Variants in WNK1 observed in about 807,000 individuals in gnomAD.
WNK1 encodes WNK lysine deficient protein kinase 1.
In WNK1, 38 loss-of-function variants were observed where a neutral mutation model predicts 222.8. The ratio of observed to expected loss-of-function variants is 0.17; its 90% CI spans 0.13 to 0.22. The LOEUF is 0.22. Among genes scored for constraint, WNK1 ranks in the 10% least tolerant of loss-of-function variants. The pLI, the probability that WNK1 is intolerant of heterozygous loss-of-function variation, is 1.00. For synonymous variants in WNK1, 1,090 were observed against 1,092.9 expected, an observed-to-expected ratio of 1.00 and a Z score of 0.05; for missense variants, 2,348 against 2,918.4, an observed-to-expected ratio of 0.80 and a Z score of 4.50.
intron 1 of WNK1, among the ~76,000 whole-genome samples, chr12:811,727 GT>G (rs1946924283): frequency 6.6e-6 from 1 of 151,742 alleles, no homozygotes; most frequent in African/African-American, 2.4e-5. Context: ...ACAATATTCA[GT>G]TATAGATGGA....
intron 4 of WNK1, among the ~76,000 whole-genome samples, chr12:834,916 T>G (rs567139996): frequency 6.6e-6 from 1 of 152,312 alleles, no homozygotes; most frequent in African/African-American, 2.4e-5. Context: ...TTTTTAGTAT[T>G]GATAAACACT....
chr12:879,515 T>TTTTTTTTTTTTTTTTTTTTTTTTTTG, intron 10 of WNK1, 58 bp from the exon 11 acceptor site: 1 of 144,642 alleles, frequency 6.9e-6, no homozygotes, highest in Non-Finnish European at 1.1e-5. Context: ...CAGCCTTGCT[T>TTTTTTTTTTTTTTTTTTTTTTTTTTG]TTTTTTTTTT....
intron 4 of WNK1, among the ~76,000 whole-genome samples, chr12:845,376 C>G (rs917069867): frequency 6.6e-6 from 1 of 152,178 alleles, no homozygotes; most frequent in African/African-American, 2.4e-5. Flanking sequence ...CAGACCCCAG[C>G]CACTCTAGAT....
intron 1 of WNK1, among the ~76,000 whole-genome samples, chr12:758,469 G>T (rs1224115476): frequency 2.5e-5 from 3 of 120,112 alleles, no homozygotes; most frequent in African/African-American, 8.9e-5. Flanking sequence ...CTCACTGCAA[G>T]CTCCACTTCC....
intron 1 of WNK1, among the ~76,000 whole-genome samples, chr12:798,497 A>G (rs531223421): frequency 5.3e-5 from 8 of 152,036 alleles, no homozygotes; most frequent in Non-Finnish European, 1.2e-4. Flanking sequence ...CAGCCTTACT[A>G]TTGCATTTTC....
chr12:853,119 G>A (rs998856247), intron 4 of WNK1, among the ~76,000 whole-genome samples: 1 of 151,974 alleles, frequency 6.6e-6, no homozygotes, highest in African/African-American at 2.4e-5. Flanking sequence ...TGGCTAACTT[G>A]GCACCTATGG....
rs753511696 is a variant in WNK1 at position 868,951 on chromosome 12, A to T, written c.2140-2314A>T. 5.0e-6 allele frequency: 8 copies of T among 1,588,548 alleles called. No individual in the cohort carries two copies. In the South Asian group the frequency reaches 9.1e-5, roughly 18 times the overall value. Reference sequence around the variant, plus strand: ...CTCCCCCTACAGGGGGAGCAGCTGCACCTTTTGGCTCTGACGTCTCAATGC... The same window carrying T: ...CTCCCCCTACAGGGGGAGCAGCTGCTCCTTTTGGCTCTGACGTCTCAATGC... On this transcript the variant is annotated intron_variant, in intron 8 of 27. Transcript: ENST00000315939.
chr12:813,303 A>T (rs1005259637), intron 1 of WNK1, among the ~76,000 whole-genome samples: 1 of 152,238 alleles, frequency 6.6e-6, no homozygotes, highest in African/African-American at 2.4e-5. Context: ...AGGCAAAGAT[A>T]GAACTGGAAT....
At chr12:863,067 C>G (rs749337491) in intron 8 of WNK1, among the ~76,000 whole-genome samples, 1 of 152,010 alleles carries the variant, frequency 6.6e-6, no homozygotes, top group Non-Finnish European at 1.5e-5. Flanking sequence ...AAATAAAATA[C>G]GTCATCTGCC....
At chr12:822,193 A>G (rs564937120) in intron 2 of WNK1, among the ~76,000 whole-genome samples, 1 of 143,894 alleles carries the variant, frequency 6.9e-6, no homozygotes, top group South Asian at 2.1e-4. Context: ...TCCCGGGTTC[A>G]AGCGATTCTC....
intron 1 of WNK1, among the ~76,000 whole-genome samples, chr12:799,427 G>A (rs1026271482): frequency 5.3e-5 from 8 of 151,000 alleles, no homozygotes; most frequent in African/African-American, 1.5e-4. Context: ...CACCGCACCC[G>A]GCCTGCATGT....
intron 4 of WNK1, among the ~76,000 whole-genome samples, chr12:834,806 G>A (rs1407358316): frequency 2.0e-5 from 3 of 151,938 alleles, no homozygotes; most frequent in Non-Finnish European, 4.4e-5. Flanking sequence ...AATGAAAGAT[G>A]GCCTTTAAGG....
intron 1 of WNK1, among the ~76,000 whole-genome samples, chr12:773,507 C>G (rs1942774161): frequency 6.6e-6 from 1 of 152,090 alleles, no homozygotes; most frequent in African/African-American, 2.4e-5. Context: ...AATGTATACT[C>G]AGAGATATCT....
chr12:793,050 GCTATTATTAATAAA>G (rs1046277653), intron 1 of WNK1, among the ~76,000 whole-genome samples: 3 of 152,252 alleles, frequency 2.0e-5, no homozygotes, highest in Non-Finnish European at 2.9e-5. Context: ...CACGGTAGCT[GCTATTATTAATAAA>G]CAAGGCTAAC....
At chr12:907,343 G>GGCT (rs1955796531) in intron 26 of WNK1, among the ~76,000 whole-genome samples, 1 of 146,234 alleles carries the variant, frequency 6.8e-6, no homozygotes, top group Non-Finnish European at 1.5e-5. Context: ...AAAGGCTAAA[G>GGCT]AATGTGGCAG....
chr12:789,231 A>G (rs1160039634), intron 1 of WNK1, among the ~76,000 whole-genome samples: 1 of 152,174 alleles, frequency 6.6e-6, no homozygotes, highest in Non-Finnish European at 1.5e-5. Context: ...ATAAAGAATC[A>G]TACATTTGGT....
intron 4 of WNK1, among the ~76,000 whole-genome samples, chr12:841,043 T>C (rs1219023556): frequency 6.6e-6 from 1 of 152,260 alleles, no homozygotes; most frequent in Non-Finnish European, 1.5e-5. Context: ...ATTCTCAGTA[T>C]AGTGTTTAAC....
chr12:899,783 G>A (rs935362547), intron 25 of WNK1, among the ~76,000 whole-genome samples: 4 of 151,976 alleles, frequency 2.6e-5, no homozygotes, highest in African/African-American at 9.7e-5. Flanking sequence ...TCTGATGCAC[G>A]TTTATAGGAA....
intron 1 of WNK1, among the ~76,000 whole-genome samples, chr12:768,157 G>GTC (rs903499426): frequency 6.6e-6 from 1 of 152,132 alleles, no homozygotes; most frequent in South Asian, 2.1e-4. Flanking sequence ...TTGAGGCAGA[G>GTC]TCTCTCTCTG....
Sources: allele counts gnomAD v4.1 joint callset (sites outside exome capture counted in the v4.1 genomes callset), GRCh38; gene constraint gnomAD v4.1.1; transcripts MANE v1.5; gene names NCBI Gene and HGNC (gene_info 2026-07-23, HGNC 2026-07-21).